The following PRKG1 variants were observed in gnomAD, a reference collection of about 807,000 sequenced individuals.
PRKG1 encodes protein kinase cGMP-dependent 1.
In PRKG1, 35 loss-of-function variants were observed where a neutral mutation model predicts 88.1. The ratio of observed to expected loss-of-function variants is 0.40; its 90% CI spans 0.30 to 0.53. The LOEUF (loss-of-function observed/expected upper bound fraction) is 0.53. Among genes scored for constraint, PRKG1 ranks in the 20% least tolerant of loss-of-function variants. The pLI, the probability that PRKG1 is intolerant of heterozygous loss-of-function variation, is 0.59. For synonymous variants in PRKG1, 303 were observed against 292.5 expected (o/e 1.04, Z -0.37); for missense variants, 540 against 839.8 (o/e 0.64, Z 4.41).
At chr10:51,434,169 A>T in intron 2 of PRKG1, among the ~76,000 whole-genome samples, 1 of 152,082 alleles carries the variant, frequency 6.6e-6, no homozygotes, top group East Asian at 1.9e-4. Context: ...TCACAGCCAT[A>T]GCAGAGTGTG....
chr10:52,164,102 G>A (rs1360489315), intron 9 of PRKG1, among the ~76,000 whole-genome samples: 2 of 152,122 alleles, frequency 1.3e-5, no homozygotes, highest in East Asian at 1.9e-4. Context: ...TGTAATCCCA[G>A]CACTTTGGGA....
At chr10:51,913,087 C>A (rs1454318988) in intron 5 of PRKG1, among the ~76,000 whole-genome samples, 1 of 152,056 alleles carries the variant, frequency 6.6e-6, no homozygotes, top group Non-Finnish European at 1.5e-5. Context: ...TGCCTCCATA[C>A]CTGATTAATT....
At chr10:51,607,675 G>C (rs1217640767) in intron 3 of PRKG1, among the ~76,000 whole-genome samples, 1 of 152,182 alleles carries the variant, frequency 6.6e-6, no homozygotes, top group African/African-American at 2.4e-5. Flanking sequence ...CTGCCCAGGA[G>C]GTAGAAGGAA....
intron 3 of PRKG1, among the ~76,000 whole-genome samples, chr10:51,530,359 A>G (rs1437990776): frequency 6.6e-6 from 1 of 152,042 alleles, no homozygotes; most frequent in East Asian, 1.9e-4. Context: ...GCTTTTCTTC[A>G]TATAGCAGAT....
intron 5 of PRKG1, among the ~76,000 whole-genome samples, chr10:52,028,075 C>G (rs1845387486): frequency 6.6e-6 from 1 of 152,164 alleles, no homozygotes; most frequent in African/African-American, 2.4e-5. Context: ...AGGCATGAGC[C>G]ACTGCGCCCA....
intron 3 of PRKG1, among the ~76,000 whole-genome samples, chr10:51,562,355 CTG>C (rs1837488330): frequency 6.6e-6 from 1 of 152,084 alleles, no homozygotes; most frequent in Admixed American, 6.6e-5. Context: ...TTATATTAAA[CTG>C]AGTAGTTCTT....
At chr10:51,822,801 G>A (rs58020849) in intron 4 of PRKG1, among the ~76,000 whole-genome samples, 1,934 of 152,254 alleles carry the variant, frequency 0.013, 54 homozygotes, top group African/African-American at 0.044. Context: ...ACCCTGCCCA[G>A]GGGACAACTT....
intron 3 of PRKG1, among the ~76,000 whole-genome samples, chr10:51,629,285 C>T (rs1288678787): frequency 6.6e-6 from 1 of 152,046 alleles, no homozygotes; most frequent in African/African-American, 2.4e-5. Flanking sequence ...GACAGTTTTT[C>T]CATGGACTGA....
Position 51,475,615 on chromosome 10 carries a change from T to C in PRKG1, c.592+7779T>C, listed in dbSNP as rs562421979. ...TTTGTTGCTGTTGAGCAGAGATATT[T>C]AAGGAAAGTTGCATTTTTCTTTTAA... On this transcript the variant is annotated intron_variant, in intron 3 of 17. Coordinates refer to ENST00000373980, the MANE Select transcript of PRKG1 (RefSeq NM_006258.4). 2.0e-5 allele frequency among the ~76,000 whole-genome samples: 3 copies of C among 152,186 alleles called. No homozygotes were observed. In the South Asian group the frequency reaches 6.2e-4, roughly 32 times the overall value.
intron 7 of PRKG1, among the ~76,000 whole-genome samples, chr10:52,072,025 C>A (rs1047318939): frequency 6.6e-6 from 1 of 152,020 alleles, no homozygotes; most frequent in East Asian, 1.9e-4. Flanking sequence ...CAGTCCCAGT[C>A]GCCCTCTCCC....
intron 3 of PRKG1, among the ~76,000 whole-genome samples, chr10:51,636,151 T>A (rs752117428): frequency 2.6e-5 from 4 of 152,198 alleles, no homozygotes; most frequent in Non-Finnish European, 5.9e-5. Flanking sequence ...TAGAAGTAAG[T>A]GGAGTTTAAA....
chr10:51,269,750 G>A (rs7077723), intron 2 of PRKG1, among the ~76,000 whole-genome samples: 41,827 of 151,950 alleles, frequency 0.28, 5,993 homozygotes, highest in African/African-American at 0.34. Flanking sequence ...AAAAGACTAC[G>A]TGTTGGGTAC....
chr10:52,285,994 A>G (rs557150842), intron 14 of PRKG1, among the ~76,000 whole-genome samples: 1 of 152,230 alleles, frequency 6.6e-6, no homozygotes, highest in Non-Finnish European at 1.5e-5. Flanking sequence ...ATATAATATT[A>G]CAAACAGGAG....
chr10:51,334,851 G>A (rs1313729154), intron 2 of PRKG1, among the ~76,000 whole-genome samples: 2 of 152,012 alleles, frequency 1.3e-5, no homozygotes, highest in Admixed American at 6.6e-5. Context: ...AGGGAATCAG[G>A]GTGCCTAAAA....
intron 5 of PRKG1, among the ~76,000 whole-genome samples, chr10:51,946,744 G>A (rs934853989): frequency 1.3e-5 from 2 of 152,096 alleles, no homozygotes; most frequent in South Asian, 4.1e-4. Flanking sequence ...CTGTTTGCCT[G>A]AGTACCAGCA....
chr10:51,750,426 T>C (rs1417914044), intron 3 of PRKG1, among the ~76,000 whole-genome samples: 1 of 152,208 alleles, frequency 6.6e-6, no homozygotes, highest in Non-Finnish European at 1.5e-5. Context: ...TTTACGGACA[T>C]GTGTACATTT....
intron 1 of PRKG1, among the ~76,000 whole-genome samples, chr10:50,996,913 A>G (rs999931411): frequency 6.6e-6 from 1 of 152,222 alleles, no homozygotes; most frequent in Non-Finnish European, 1.5e-5. Context: ...AATATTTCTG[A>G]CAAGATTTTA....
chr10:51,491,860 T>C (rs1486607816), intron 3 of PRKG1, among the ~76,000 whole-genome samples: 2 of 152,114 alleles, frequency 1.3e-5, no homozygotes, highest in Non-Finnish European at 2.9e-5. Flanking sequence ...GGTCTTTATA[T>C]ACACTAAGTC....
At chr10:51,016,646 C>CCAGTGAAG (rs1843064579) in intron 1 of PRKG1, among the ~76,000 whole-genome samples, 1 of 119,774 alleles carries the variant, frequency 8.3e-6, no homozygotes, top group Admixed American at 9.0e-5. Context: ...TAACCATAAC[C>CCAGTGAAG]CAGTGAAGAA....
Sources: allele counts gnomAD v4.1 joint callset (sites outside exome capture counted in the v4.1 genomes callset), GRCh38; gene constraint gnomAD v4.1.1; transcripts MANE v1.5; gene names NCBI Gene and HGNC (gene_info 2026-07-23, HGNC 2026-07-21).